KNSTRN: variants seen among roughly 807,000 people sequenced by gnomAD.
KNSTRN encodes the protein small kinetochore-associated protein.
KNSTRN carries 38 observed loss-of-function variants against 44.7 expected under a neutral mutation model. The observed-to-expected ratio is 0.85, with a 90% CI of 0.66 to 1.11. The LOEUF (loss-of-function observed/expected upper bound fraction) is 1.11, where lower values mean the gene tolerates loss of function less well. Among genes scored for constraint, KNSTRN ranks in the 50% most tolerant of loss-of-function variants. The probability of loss-of-function intolerance (pLI) is 0.00; values close to 1 mark genes in which losing one functional copy is unlikely to be tolerated. For missense variants in KNSTRN, 406 were observed against 375.8 expected, an observed-to-expected ratio of 1.08 and a Z score of -0.66; for synonymous variants, 158 against 148.1, an observed-to-expected ratio of 1.07 and a Z score of -0.48.
chr15:40,386,916 A>T (rs984374982), intron 3 of KNSTRN: 1 of 573,698 alleles, frequency 1.7e-6, no homozygotes, highest in Non-Finnish European at 3.1e-6. Flanking sequence ...CGCCATCTTG[A>T]GAGGAACAGC....
intron 4 of KNSTRN, among the ~76,000 whole-genome samples, chr15:40,388,180 CAG>C (rs1337067143): frequency 1.3e-5 from 2 of 152,194 alleles, no homozygotes; most frequent in Admixed American, 6.5e-5. Context: ...AGTGGGAAAT[CAG>C]GGGTCTCACA....
rs770431467 is a variant in KNSTRN at position 40,391,936 on chromosome 15, G to A, written c.748-13G>A. On this transcript the variant is annotated splice_polypyrimidine_tract_variant and intron_variant, in intron 7 of 8. Coordinates refer to ENST00000249776, the MANE Select transcript of KNSTRN (RefSeq NM_033286.4). ...TATGAAGATTTGTTTACTACATTGT[G>A]CTTTCCTCTTAGTTGCTGTTAGAAA... 1.2e-6 allele frequency: 2 copies of A among 1,601,734 alleles called. No homozygotes were observed. Among genetic ancestry groups the A allele is most frequent in the East Asian group, 2.2e-5 (1 of 44,618 alleles).
chr15:40,390,802 A>T (rs1889984612), intron 6 of KNSTRN, among the ~76,000 whole-genome samples: 1 of 151,766 alleles, frequency 6.6e-6, no homozygotes, highest in Non-Finnish European at 1.5e-5. Context: ...TTTAGTAGAG[A>T]TGGGGTTTTG....
chr15:40,384,637 C>T (rs1889873797), intron 2 of KNSTRN: 1 of 337,646 alleles, frequency 3.0e-6, no homozygotes, highest in African/African-American at 2.2e-5. Flanking sequence ...TCTGTCCCAG[C>T]TTTATGATCA....
chr15:40,391,924 T>G (rs1183699082), intron 7 of KNSTRN, 25 bp from the exon 8 acceptor site: 1 of 1,588,794 alleles, frequency 6.3e-7, no homozygotes, highest in Non-Finnish European at 8.6e-7. Context: ...GAAGATTTGT[T>G]TACTACATTG....
At chr15:40,388,546 T>C (rs1343691482) in intron 4 of KNSTRN, among the ~76,000 whole-genome samples, 1 of 152,056 alleles carries the variant, frequency 6.6e-6, no homozygotes, top group African/African-American at 2.4e-5. Flanking sequence ...ATACAAAAAA[T>C]TAGCCAGGCA....
At chr15:40,391,402 T>C in intron 6 of KNSTRN, 91 bp from the exon 7 acceptor site, 2 of 1,016,738 alleles carry the variant, frequency 2.0e-6, no homozygotes, top group South Asian at 1.4e-5. Flanking sequence ...CCCTCATGAA[T>C]ATTTCTGTAC....
At chr15:40,384,542 C>A (rs1229577926) in intron 2 of KNSTRN, 1 of 454,054 alleles carries the variant, frequency 2.2e-6, no homozygotes. Flanking sequence ...CTGTGTCTTT[C>A]CCTTAGATGC....
intron 5 of KNSTRN, 39 bp from the exon 6 acceptor site, chr15:40,389,797 T>C (rs1889967554): frequency 1.9e-6 from 3 of 1,589,862 alleles, no homozygotes; most frequent in Admixed American, 1.7e-5. Flanking sequence ...CCCTAGGGAG[T>C]TGGACAATTC....
Position 40,382,861 on chromosome 15 carries a change from TG to T in KNSTRN, c.28del (p.Asp10ThrfsTer34), listed in dbSNP as rs1178746674. 2.5e-6 allele frequency: 4 copies of T among 1,611,480 alleles called. No homozygotes were observed. Among genetic ancestry groups the T allele is most frequent in the African/African-American group, 1.3e-5 (1 of 74,980 alleles). On this transcript the variant is annotated frameshift_variant, in exon 1 of 9. Coordinates refer to ENST00000249776, the MANE Select transcript of KNSTRN (RefSeq NM_033286.4). LOFTEE classifies it high-confidence loss of function. ...ATGGCGGCTCCCGAAGCCCCGCCCC[TG>T]GACAGAGTTTTCCGTACAACATGGC... The part of the protein sequence containing the change: MAAPEAPP[L>X]DRVFRTTWLS...
chr15:40,393,342 C>T (rs1345783679), intron 8 of KNSTRN, 127 bp from the exon 9 acceptor site: 1 of 1,598,376 alleles, frequency 6.3e-7, no homozygotes, highest in African/African-American at 1.3e-5. Context: ...AAGATACAGT[C>T]TGTTGATACT....
intron 8 of KNSTRN, chr15:40,393,088 C>T: frequency 8.4e-7 from 1 of 1,196,426 alleles, no homozygotes; most frequent in Non-Finnish European, 1.2e-6. Flanking sequence ...GTAGGTTGCT[C>T]AGAGTTGGGA....
Position 40,386,471 on chromosome 15 carries a change from C to T in KNSTRN, c.414C>T (p.Ile138=). Residue 138 remains isoleucine, a synonymous_variant, in exon 3 of 9, where the codon ATC becomes ATT. Coordinates refer to ENST00000249776, the MANE Select transcript of KNSTRN (RefSeq NM_033286.4). The part of the protein sequence containing the change: ...SGGPENDVTK[I]TKLRRENGQM... Reference sequence around the variant, plus strand: ...GTCCAGAGAATGATGTTACAAAAATCACCAAACTGAGACGAGAGAATGGGT... The same window carrying T: ...GTCCAGAGAATGATGTTACAAAAATTACCAAACTGAGACGAGAGAATGGGT... 3.1e-6 allele frequency: 5 copies of T among 1,614,082 alleles called. No individual in the cohort carries two copies. The highest frequency in any genetic ancestry group is 4.2e-6 in the Non-Finnish European group (5 of 1,179,982).
intron 2 of KNSTRN, chr15:40,383,539 A>G: frequency 7.3e-6 from 4 of 548,266 alleles, no homozygotes; most frequent in Non-Finnish European, 1.3e-5. Context: ...TTCTGCCCGC[A>G]TGTGTACTGT....
At chr15:40,389,973 C>G (rs774978842) in intron 6 of KNSTRN, 44 bp downstream of exon 6, 1 of 1,478,798 alleles carries the variant, frequency 6.8e-7, no homozygotes, top group Non-Finnish European at 9.5e-7. Flanking sequence ...GGAATTGGTG[C>G]ATGTGCCCCT....
Position 40,393,223 on chromosome 15 carries a change from C to A in KNSTRN, c.823-246C>A, listed in dbSNP as rs757994708. ...TTGGATGAATCATGGGATATTGCACCAAATGTAGAGGATTTCATCGTTCCA... is the reference window on the plus strand; with the variant it reads ...TTGGATGAATCATGGGATATTGCACAAAATGTAGAGGATTTCATCGTTCCA... On this transcript the variant is annotated intron_variant, in intron 8 of 8. Coordinates refer to ENST00000249776, the MANE Select transcript of KNSTRN (RefSeq NM_033286.4). 1.9e-6 allele frequency: 3 copies of A among 1,613,824 alleles called. No individual in the cohort carries two copies. The South Asian group carries it at 3.3e-5, about 18-fold the overall frequency.
At chr15:40,391,849 C>A in intron 7 of KNSTRN, 100 bp from the exon 8 acceptor site, 2 of 894,406 alleles carry the variant, frequency 2.2e-6, no homozygotes, top group Non-Finnish European at 3.5e-6. Context: ...TCTCTCCTGA[C>A]TCCTTTGTTG....
At chr15:40,386,633 T>C (rs1889907544) in intron 3 of KNSTRN, 139 bp downstream of exon 3, 3 of 798,730 alleles carry the variant, frequency 3.8e-6, no homozygotes, top group Non-Finnish European at 5.9e-6. Context: ...CAGTGCAGCA[T>C]TGCTGAGCTC....
At position 40,392,008 on chromosome 15, in the gene KNSTRN, G is replaced by C; in HGVS notation, c.807G>C (p.Gln269His). The C allele has an allele frequency of 6.2e-7, 1 of 1,610,698 alleles. No individual in the cohort carries two copies. ...TTTTTAACGAAACAGCCAAAAAGCA[G>C]ATGGAGGAGTTACAGGTGAGAGGCA... ...LKLFNETAKK[Q>H]MEELQALKVK... The change falls in exon 8 of 9, where the codon CAG becomes CAC. Residue 269 changes from glutamine (Q) to histidine (H), a missense_variant. Transcript: ENST00000249776.
Sources: gnomAD v4.1 joint callset for allele counts (sites outside exome capture counted in the v4.1 genomes callset) on GRCh38, gnomAD v4.1.1 for gene constraint, MANE v1.5 for transcripts, NCBI Gene and HGNC (gene_info 2026-07-23, HGNC 2026-07-21) for gene names.